The following DNAH11 variants were observed in gnomAD, a reference collection of about 807,000 sequenced individuals.
DNAH11 encodes the protein dynein axonemal heavy chain 11.
DNAH11 carries 442 observed loss-of-function variants against 526.0 expected under a neutral mutation model. The observed-to-expected ratio is 0.84, with a 90% CI of 0.78 to 0.91. DNAH11 has a LOEUF of 0.91. DNAH11 is among the 40% of genes least tolerant of loss of function. The pLI, the probability that DNAH11 is intolerant of heterozygous loss-of-function variation, is 0.00. For synonymous variants in DNAH11, 2,461 were observed against 1,935.9 expected, an observed-to-expected ratio of 1.27 and a Z score of -7.12; for missense variants, 6,989 against 5,448.7, an observed-to-expected ratio of 1.28 and a Z score of -8.90.
intron 65 of DNAH11, among the ~76,000 whole-genome samples, chr7:21,832,015 G>C (rs976497205): frequency 6.6e-6 from 1 of 152,062 alleles, no homozygotes; most frequent in Admixed American, 6.5e-5. Flanking sequence ...GTTTGAACCC[G>C]GGAGGCAGAG....
chr7:21,669,141 A>G (rs572417307), intron 30 of DNAH11, among the ~76,000 whole-genome samples: 1 of 152,094 alleles, frequency 6.6e-6, no homozygotes, highest in African/African-American at 2.4e-5. Context: ...ATCTATTAAA[A>G]TCTTTTGATC....
intron 66 of DNAH11, among the ~76,000 whole-genome samples, chr7:21,849,388 C>A (rs1245757085): frequency 6.6e-6 from 1 of 152,150 alleles, no homozygotes; most frequent in Non-Finnish European, 1.5e-5. Flanking sequence ...ATTTTATCTT[C>A]ATTTACTCCT....
At chr7:21,740,822 C>T (rs1479774950) in intron 48 of DNAH11, among the ~76,000 whole-genome samples, 1 of 152,154 alleles carries the variant, frequency 6.6e-6, no homozygotes. Context: ...GACAACTATA[C>T]CTTATTTTAT....
rs748438524 is a variant in DNAH11, at chr7:21,816,479, C to G, written c.10345C>G (p.Leu3449Val). ...PFLQQKVSIP[L>V]TEGLDLISML... ...TCTGATTTTAAAGGTTTCCATTCCA[C>G]TAACCGAAGGCCTGGACTTGATATC... Residue 3449 changes from leucine (L) to valine (V), a missense_variant, in exon 64 of 82, where the codon CTA (leucine) becomes GTA (valine). Physicochemically the swap from Leu to Val is conservative, Grantham distance 32 (BLOSUM62 1). Transcript: ENST00000409508. 3.1e-6 allele frequency: 5 copies of G among 1,605,646 alleles called. No homozygotes were observed. The African/African-American group carries it at 6.7e-5, about 21-fold the overall frequency.
At chr7:21,638,698 GT>G (rs1786980861) in intron 27 of DNAH11, among the ~76,000 whole-genome samples, 3 of 118,894 alleles carry the variant, frequency 2.5e-5, no homozygotes, top group African/African-American at 7.6e-5. Flanking sequence ...TGGGGTGTGT[GT>G]GTGTGTGTGT....
chr7:21,675,790 T>G (rs1782855239), intron 30 of DNAH11, among the ~76,000 whole-genome samples: 1 of 151,818 alleles, frequency 6.6e-6, no homozygotes, highest in Non-Finnish European at 1.5e-5. Context: ...TCCTTTAGAG[T>G]TTAGGGTGGA....
chr7:21,786,535 C>T, intron 58 of DNAH11, 89 bp from the exon 59 acceptor site: 1 of 1,460,468 alleles, frequency 6.8e-7, no homozygotes, highest in East Asian at 2.3e-5. Flanking sequence ...AAGTGGGAGT[C>T]CACTAAAGCC....
chr7:21,682,841 A>G (rs1474700971), intron 31 of DNAH11, among the ~76,000 whole-genome samples: 16 of 152,202 alleles, frequency 1.1e-4, no homozygotes. Context: ...TGAACCATAA[A>G]CATATATTAA....
At chr7:21,870,397 C>T (rs1423901323) in intron 73 of DNAH11, among the ~76,000 whole-genome samples, 1 of 152,178 alleles carries the variant, frequency 6.6e-6, no homozygotes, top group South Asian at 2.1e-4. Context: ...ATAATACCCA[C>T]TGCTTAGATG....
chr7:21,619,881 T>C (rs1375939859), intron 24 of DNAH11, 75 bp from the exon 25 acceptor site: 4 of 1,424,994 alleles, frequency 2.8e-6, no homozygotes, highest in Admixed American at 2.4e-5. Flanking sequence ...TTGAAAAAAA[T>C]TAATTCCAGA....
chr7:21,659,820 G>A (rs953067928), intron 30 of DNAH11, among the ~76,000 whole-genome samples: 12 of 152,074 alleles, frequency 7.9e-5, no homozygotes, highest in African/African-American at 2.9e-4. Flanking sequence ...TCAATAACTT[G>A]AGAATCAAAT....
chr7:21,567,591 G>GT (rs1783720266), intron 6 of DNAH11, among the ~76,000 whole-genome samples: 1 of 152,206 alleles, frequency 6.6e-6, no homozygotes, highest in Non-Finnish European at 1.5e-5. Flanking sequence ...GCCAGTGACT[G>GT]TAACTTCAAA....
chr7:21,702,748 C>G lies in DNAH11; in HGVS notation c.6219C>G (p.Val2073=). The G allele has an allele frequency of 6.2e-7, 1 of 1,613,634 alleles. No homozygotes were observed. The change falls in exon 37 of 82, where the codon GTC becomes GTG. Residue 2073 remains valine (V), a synonymous_variant. Coordinates refer to ENST00000409508, the MANE Select transcript of DNAH11 (RefSeq NM_001277115.2). ...GGGGACTTCGTGCTATTAAGTCTGTCTTGGTTGTGGCTGGATCTCTGAAAC... is the reference window on the plus strand; with the variant it reads ...GGGGACTTCGTGCTATTAAGTCTGTGTTGGTTGTGGCTGGATCTCTGAAAC... ...YDWGLRAIKS[V]LVVAGSLKRG... is the part of the protein sequence containing the mutation.
At chr7:21,720,549 T>A (rs962640719) in intron 43 of DNAH11, among the ~76,000 whole-genome samples, 176 bp from the exon 44 acceptor site, 1 of 152,148 alleles carries the variant, frequency 6.6e-6, no homozygotes, top group Non-Finnish European at 1.5e-5. Context: ...AGTGACAAGT[T>A]TTCTACTGTT....
At chr7:21,873,980 G>A (rs1401503774) in intron 74 of DNAH11, among the ~76,000 whole-genome samples, 1 of 151,576 alleles carries the variant, frequency 6.6e-6, no homozygotes, top group Non-Finnish European at 1.5e-5. Flanking sequence ...TAGTAGAGAT[G>A]GGGTTTCACC....
At chr7:21,732,676 A>T (rs569659892) in intron 45 of DNAH11, among the ~76,000 whole-genome samples, 1 of 152,330 alleles carries the variant, frequency 6.6e-6, no homozygotes, top group African/African-American at 2.4e-5. Flanking sequence ...AATAATCACA[A>T]TGCAGATTAA....
intron 5 of DNAH11, among the ~76,000 whole-genome samples, chr7:21,561,667 C>A (rs887619599): frequency 1.3e-5 from 2 of 152,076 alleles, no homozygotes; most frequent in African/African-American, 2.4e-5. Flanking sequence ...TGTTACAAAC[C>A]AGGAATCATA....
At chr7:21,678,172 C>CTT (rs34898192) in intron 30 of DNAH11, among the ~76,000 whole-genome samples, 4 of 138,124 alleles carry the variant, frequency 2.9e-5, no homozygotes, top group South Asian at 2.3e-4. Flanking sequence ...GCTTTTCCCA[C>CTT]TTTTTTTTTT....
intron 42 of DNAH11, among the ~76,000 whole-genome samples, chr7:21,713,908 C>T (rs892932844): frequency 6.6e-6 from 1 of 152,180 alleles, no homozygotes; most frequent in Non-Finnish European, 1.5e-5. Flanking sequence ...AGGATTCTGT[C>T]TCCTGGGATG....
Sources: gnomAD v4.1 joint callset for allele counts (sites outside exome capture counted in the v4.1 genomes callset) on GRCh38, gnomAD v4.1.1 for gene constraint, MANE v1.5 for transcripts, NCBI Gene and HGNC (gene_info 2026-07-23, HGNC 2026-07-21) for gene names.